Variants in CFAP44 observed in about 807,000 individuals in gnomAD.
CFAP44 encodes the protein cilia- and flagella-associated protein 44.
A neutral mutation model predicts 216.2 loss-of-function variants in CFAP44; 134 were observed. The ratio of observed to expected loss-of-function variants is 0.62; its 90% CI spans 0.54 to 0.72. The LOEUF (loss-of-function observed/expected upper bound fraction) is 0.72. Ranked by LOEUF, CFAP44 falls within the 30% of genes least tolerant of loss-of-function variation. The pLI, the probability that CFAP44 is intolerant of heterozygous loss-of-function variation, is 0.00. For missense variants in CFAP44, 2,035 were observed against 2,182.1 expected (o/e 0.93, Z 1.34); for synonymous variants, 700 against 727.6 (o/e 0.96, Z 0.61).
At chr3:113,385,511 G>C (rs1402996675) in intron 15 of CFAP44, among the ~76,000 whole-genome samples, 1 of 152,076 alleles carries the variant, frequency 6.6e-6, no homozygotes, top group East Asian at 1.9e-4. Flanking sequence ...AACAACATTT[G>C]ATCTATCCCA....
chr3:113,409,946 C>A (rs1359504145), intron 6 of CFAP44, among the ~76,000 whole-genome samples: 2 of 152,168 alleles, frequency 1.3e-5, no homozygotes, highest in Admixed American at 6.5e-5. Context: ...CAGTAAGTTA[C>A]CTTATATGGC....
intron 5 of CFAP44, among the ~76,000 whole-genome samples, chr3:113,419,485 A>G (rs1934747642): frequency 6.6e-6 from 1 of 152,228 alleles, no homozygotes; most frequent in Non-Finnish European, 1.5e-5. Flanking sequence ...CTCCGAGGAC[A>G]TGGACTTTTA....
chr3:113,358,971 T>C, intron 21 of CFAP44, 96 bp from the exon 22 acceptor site: 1 of 1,370,124 alleles, frequency 7.3e-7, no homozygotes, highest in African/African-American at 1.5e-5. Flanking sequence ...GCATCATAAC[T>C]CTTCCCCAAA....
chr3:113,307,778 G>C (rs917470143), intron 29 of CFAP44, among the ~76,000 whole-genome samples: 2 of 152,066 alleles, frequency 1.3e-5, no homozygotes, highest in Admixed American at 1.3e-4. Context: ...GACCATCCTG[G>C]CTAACACGGT....
At chr3:113,317,082 A>AAC (rs1559909341) in intron 28 of CFAP44, among the ~76,000 whole-genome samples, 1 of 152,194 alleles carries the variant, frequency 6.6e-6, no homozygotes, top group African/African-American at 2.4e-5. Flanking sequence ...GGGGTAACCA[A>AAC]ACACCAAGGC....
chr3:113,403,687 T>C, intron 9 of CFAP44, among the ~76,000 whole-genome samples, 165 bp downstream of exon 9: 1 of 152,216 alleles, frequency 6.6e-6, no homozygotes, highest in East Asian at 1.9e-4. Context: ...TTGACAAGAA[T>C]GCAAATATTT....
rs144801166 is a variant in CFAP44, at chr3:113,292,157, C to T, written c.5374-409G>A. On this transcript the variant is annotated intron_variant, in intron 34 of 34. Transcript: ENST00000393845. ...ACTCCTACTCATGTTTCACACATCA[C>T]TTTCAGGGAGGCCTTCTTTGCCCCA... Among the ~76,000 whole-genome samples, 106 of 152,268 alleles carry T rather than the reference C, an allele frequency of 7.0e-4. 2 individuals are homozygous for T. The East Asian group carries it at 0.02, about 29-fold the overall frequency.
At chr3:113,308,015 G>C (rs1014727729) in intron 29 of CFAP44, 143 bp downstream of exon 29, 2 of 576,952 alleles carry the variant, frequency 3.5e-6, no homozygotes, top group African/African-American at 3.8e-5. Context: ...CTTAAAAAAA[G>C]GTATTCATTA....
intron 17 of CFAP44, among the ~76,000 whole-genome samples, chr3:113,374,321 G>A (rs926683172): frequency 6.6e-6 from 1 of 151,850 alleles, no homozygotes; most frequent in Non-Finnish European, 1.5e-5. Flanking sequence ...AGTGAGCCTG[G>A]CATTTGGCAC....
At chr3:113,309,194 T>C (rs1950014585) in intron 28 of CFAP44, among the ~76,000 whole-genome samples, 1 of 152,102 alleles carries the variant, frequency 6.6e-6, no homozygotes, top group Non-Finnish European at 1.5e-5. Context: ...TTAGAAAAAA[T>C]TTCCCACTTC....
At chr3:113,415,174 T>C (rs997154043) in intron 6 of CFAP44, among the ~76,000 whole-genome samples, 1 of 152,216 alleles carries the variant, frequency 6.6e-6, no homozygotes, top group South Asian at 2.1e-4. Context: ...TATTCTCTGA[T>C]GGTAGTCTGT....
intron 32 of CFAP44, among the ~76,000 whole-genome samples, chr3:113,302,105 C>T (rs1283512456): frequency 6.6e-6 from 1 of 152,106 alleles, no homozygotes; most frequent in African/African-American, 2.4e-5. Context: ...ATAGGGTTTC[C>T]TTCTTTTTTA....
intron 28 of CFAP44, among the ~76,000 whole-genome samples, chr3:113,314,919 T>G (rs771159958): frequency 2.6e-5 from 4 of 151,960 alleles, no homozygotes; most frequent in Non-Finnish European, 5.9e-5. Context: ...AGCAACAACT[T>G]AAACAGTTAT....
At chr3:113,351,731 G>T (rs151175783) in intron 22 of CFAP44, among the ~76,000 whole-genome samples, 6,294 of 141,422 alleles carry the variant, frequency 0.045, 429 homozygotes, top group African/African-American at 0.16. Context: ...GGAGTTGGGC[G>T]ACATGGCTTC....
At chr3:113,335,031 G>A (rs1950270610) in intron 24 of CFAP44, among the ~76,000 whole-genome samples, 1 of 151,430 alleles carries the variant, frequency 6.6e-6, no homozygotes, top group Admixed American at 6.6e-5. Context: ...TTAAAGAAAA[G>A]GAAAGGAGAA....
At chr3:113,328,168 A>T (rs115773781) in intron 26 of CFAP44, among the ~76,000 whole-genome samples, 2,808 of 151,814 alleles carry the variant, frequency 0.018, 96 homozygotes, top group African/African-American at 0.064. Flanking sequence ...TAGTATCTCT[A>T]CAATCCCTTT....
At chr3:113,395,555 G>C (rs892903045) in intron 15 of CFAP44, among the ~76,000 whole-genome samples, 195 bp downstream of exon 15, 5 of 152,196 alleles carry the variant, frequency 3.3e-5, no homozygotes, top group African/African-American at 9.6e-5. Flanking sequence ...AGTGAGGAGA[G>C]AGCAAGGCTC....
At chr3:113,306,416 T>C in intron 29 of CFAP44, 85 bp from the exon 30 acceptor site, 1 of 1,469,272 alleles carries the variant, frequency 6.8e-7, no homozygotes, top group Non-Finnish European at 9.1e-7. Flanking sequence ...AGATTCAGAA[T>C]CAATAATGTC....
In CFAP44 at chr3:113,351,238, T is replaced by A. The variant is rs560965709; in HGVS notation, c.3066-6526A>T. Reference sequence around the variant, plus strand: ...ACTGAAATCCCAAACTTACAAGGTTTTCAACAAAAGTAAAGTTTGCTAAAA... The same window carrying A: ...ACTGAAATCCCAAACTTACAAGGTTATCAACAAAAGTAAAGTTTGCTAAAA... On this transcript the variant is annotated intron_variant, in intron 22 of 34. Coordinates refer to ENST00000393845, the MANE Select transcript of CFAP44 (RefSeq NM_001164496.2). Among the ~76,000 whole-genome samples, 13 of 152,332 alleles carry A rather than the reference T, an allele frequency of 8.5e-5. No homozygotes were observed. In the East Asian group the frequency reaches 2.5e-3, roughly 29 times the overall value.
Sources: gnomAD v4.1 joint callset for allele counts (sites outside exome capture counted in the v4.1 genomes callset) on GRCh38, gnomAD v4.1.1 for gene constraint, MANE v1.5 for transcripts, NCBI Gene and HGNC (gene_info 2026-07-23, HGNC 2026-07-21) for gene names.